EPS15: variants seen among roughly 807,000 people sequenced by gnomAD.
EPS15 encodes epidermal growth factor receptor pathway substrate 15.
In EPS15, 72 loss-of-function variants were observed where a neutral mutation model predicts 113.8. The observed-to-expected ratio is 0.63, with a 90% confidence interval of 0.52 to 0.77. The LOEUF (loss-of-function observed/expected upper bound fraction) is 0.77. Ranked by LOEUF, EPS15 falls within the 30% of genes least tolerant of loss-of-function variation. EPS15 has a pLI of 0.00. For synonymous variants in EPS15, 344 were observed against 363.4 expected, an observed-to-expected ratio of 0.95 and a Z score of 0.61; for missense variants, 1,048 against 1,045.8, an observed-to-expected ratio of 1.00 and a Z score of -0.03.
rs1336168265 is a variant in EPS15, at chr1:51,409,681, C to T, written c.1129G>A (p.Val377Ile). The T allele has an allele frequency of 2.5e-6, 4 of 1,608,638 alleles. No homozygotes were observed. Among genetic ancestry groups the T allele is most frequent in the Non-Finnish European group, 3.4e-6 (4 of 1,177,874 alleles). The change falls in exon 14 of 25, where the codon GTT becomes ATT. Residue 377 changes from valine (V) to isoleucine (I), a missense_variant. Coordinates refer to ENST00000371733, the MANE Select transcript of EPS15 (RefSeq NM_001981.3). ...TGCAGATTAGTATTCTCCCTTTGAA[C>T]TTCATCTTGAAGATCCTAAAATCCA... is the stretch of plus-strand genomic sequence containing the variant. ...TSEVQDLQDE[V>I]QRENTNLQKL...
intron 4 of EPS15, among the ~76,000 whole-genome samples, chr1:51,469,776 C>A (rs1655109644): frequency 1.3e-5 from 2 of 152,090 alleles, no homozygotes; most frequent in Non-Finnish European, 2.9e-5. Context: ...ATTCCACAAC[C>A]TTCTGTGCAA....
At chr1:51,432,449 T>C (rs537515593) in intron 12 of EPS15, among the ~76,000 whole-genome samples, 48 of 152,196 alleles carry the variant, frequency 3.2e-4, no homozygotes, top group Middle Eastern at 3.4e-3. Flanking sequence ...ATTACAGATG[T>C]GAGCCACCAT....
intron 12 of EPS15, among the ~76,000 whole-genome samples, chr1:51,429,643 GTTTT>G (rs57230294): frequency 0.017 from 2,219 of 129,978 alleles, 19 homozygotes; most frequent in African/African-American, 0.029. Context: ...GTTGTTGTTG[GTTTT>G]TTTTTTTTTT....
At chr1:51,366,774 C>T (rs1407037253) in intron 21 of EPS15, among the ~76,000 whole-genome samples, 2 of 152,206 alleles carry the variant, frequency 1.3e-5, no homozygotes, top group Non-Finnish European at 2.9e-5. Context: ...TCAACAAACC[C>T]TGGAGTAACT....
At chr1:51,396,880 CTT>C (rs570495610) in intron 20 of EPS15, among the ~76,000 whole-genome samples, 1 of 145,096 alleles carries the variant, frequency 6.9e-6, no homozygotes. Context: ...CTTAATCTAT[CTT>C]TTTTTTTTTT....
chr1:51,426,833 C>CTATA (rs1331578197), intron 12 of EPS15, among the ~76,000 whole-genome samples: 9 of 140,548 alleles, frequency 6.4e-5, no homozygotes, highest in African/African-American at 2.2e-4. Context: ...CTCTCTCTCT[C>CTATA]TCTCTATATA....
At chr1:51,503,843 T>C (rs1202149835) in intron 1 of EPS15, among the ~76,000 whole-genome samples, 1 of 152,144 alleles carries the variant, frequency 6.6e-6, no homozygotes, top group African/African-American at 2.4e-5. Flanking sequence ...GTGGAAAGAA[T>C]AGCCTTTTCA....
chr1:51,359,998 G>A lies in EPS15; in HGVS notation c.2544+1173C>T, dbSNP rs992720742. ...GCTCACTGCAACCTCCACCACCTCA[G>A]CCCCCCAAGTAGCTGGGACTACAGG... is the stretch of plus-strand genomic sequence containing the variant. On this transcript the variant is annotated intron_variant, in intron 24 of 24. Coordinates refer to ENST00000371733, the MANE Select transcript of EPS15 (RefSeq NM_001981.3). Among the ~76,000 whole-genome samples the A allele has an allele frequency of 2.6e-5, 4 of 151,864 alleles. No homozygotes were observed. The South Asian group carries it at 6.2e-4, about 24-fold the overall frequency.
At chr1:51,373,672 T>C (rs866456258) in intron 21 of EPS15, among the ~76,000 whole-genome samples, 1 of 152,198 alleles carries the variant, frequency 6.6e-6, no homozygotes, top group Non-Finnish European at 1.5e-5. Flanking sequence ...AGTTCTGGCA[T>C]TCTCAGGATT....
chr1:51,402,494 A>G lies in EPS15; in HGVS notation c.1823T>C (p.Leu608Pro), dbSNP rs1271691015. The G allele has an allele frequency of 6.3e-7, 1 of 1,583,522 alleles. No homozygotes were observed. Residue 608 changes from leucine (L) to proline (P), a missense_variant, in exon 18 of 25, where the codon CTG becomes CCG. Transcript: ENST00000371733. ...EDPFNVDSSS[L>P]TGPVADTNLD... Reference sequence around the variant, plus strand: ...GTTTGTATCTGCAACTGGACCTGTCAGCGAACTTGAGTCTACATTAAATGG... The same window carrying G: ...GTTTGTATCTGCAACTGGACCTGTCGGCGAACTTGAGTCTACATTAAATGG...
intron 13 of EPS15, among the ~76,000 whole-genome samples, chr1:51,412,416 T>G (rs550688041): frequency 1.7e-4 from 26 of 152,318 alleles, no homozygotes; most frequent in Admixed American, 1.7e-3. Flanking sequence ...CTGATTCCTT[T>G]GACAAAAATG....
rs1649077779 is a variant in EPS15 at position 51,405,918 on chromosome 1, T to G, written c.1664A>C (p.His555Pro). ...TATTAGACTCACTGGAGATTCCTGG[T>G]GTATGGGCTCAGACTCTAGGTTGCT... is the stretch of plus-strand genomic sequence containing the variant. ...GQSNLESEPI[H>P]QESPARSSPE... The change falls in exon 16 of 25, where the codon CAC becomes CCC. Residue 555 changes from histidine to proline, a missense_variant. Physicochemically the swap from His to Pro is moderately conservative, Grantham distance 77 (BLOSUM62 -2). Transcript: ENST00000371733. The G allele has an allele frequency of 6.2e-7, 1 of 1,613,920 alleles. No homozygotes were observed. The highest frequency in any genetic ancestry group is 1.7e-5 in the Admixed American group (1 of 59,982).
chr1:51,454,523 C>A (rs937580646), intron 8 of EPS15, among the ~76,000 whole-genome samples: 5 of 152,182 alleles, frequency 3.3e-5, no homozygotes, highest in Non-Finnish European at 7.3e-5. Flanking sequence ...ATTACGCCTC[C>A]GTGTTATTCT....
intron 5 of EPS15, among the ~76,000 whole-genome samples, chr1:51,467,060 G>A (rs540523439): frequency 6.6e-6 from 1 of 152,152 alleles, no homozygotes; most frequent in African/African-American, 2.4e-5. Flanking sequence ...TTATAAGAAA[G>A]CTATTCTTAT....
Position 51,508,248 on chromosome 1 carries a change from AAGAGAG to A in EPS15, c.33+10945_33+10950del, listed in dbSNP as rs151142424. ...GAAAAGAAAAGAAAAGAAAGAGAGA[AAGAGAG>A]AGAGAGAGAGAGAGAGAGAAAGAGA... On this transcript the variant is annotated intron_variant, in intron 1 of 24. Coordinates refer to ENST00000371733, the MANE Select transcript of EPS15 (RefSeq NM_001981.3). Among the ~76,000 whole-genome samples, 524 of 103,882 alleles carry A rather than the reference AAGAGAG, an allele frequency of 5.0e-3. 7 individuals are homozygous for A. Among genetic ancestry groups the A allele is most frequent in the Middle Eastern group, 0.026 (6 of 232 alleles). The allele number at this position is 103,882 out of a possible 152,430, so 68.2% of individuals were successfully genotyped here. A position where few individuals can be genotyped will look rare whatever the true frequency, so the allele number is the denominator to read the frequency against.
chr1:51,368,636 C>T (rs1278368496), intron 21 of EPS15, among the ~76,000 whole-genome samples: 4 of 145,786 alleles, frequency 2.7e-5, no homozygotes, highest in East Asian at 2.0e-4. Flanking sequence ...TCGCCTGTGT[C>T]ACCCAGGCTG....
chr1:51,411,982 AT>A (rs1188271527), intron 13 of EPS15, among the ~76,000 whole-genome samples: 1 of 152,250 alleles, frequency 6.6e-6, no homozygotes, highest in Non-Finnish European at 1.5e-5. Context: ...GATAGACTAG[AT>A]AAAGAAAATG....
At chr1:51,506,050 C>T (rs1362090861) in intron 1 of EPS15, among the ~76,000 whole-genome samples, 3 of 152,194 alleles carry the variant, frequency 2.0e-5, no homozygotes, top group African/African-American at 7.2e-5. Flanking sequence ...CCACACCCGG[C>T]TGATTTTTGT....
intron 1 of EPS15, among the ~76,000 whole-genome samples, chr1:51,500,902 T>C (rs1644399556): frequency 6.6e-6 from 1 of 151,272 alleles, no homozygotes; most frequent in South Asian, 2.1e-4. Context: ...GAGAATCACT[T>C]GAACCCGGGA....
Sources: gnomAD v4.1 joint callset for allele counts (sites outside exome capture counted in the v4.1 genomes callset) on GRCh38, gnomAD v4.1.1 for gene constraint, MANE v1.5 for transcripts, NCBI Gene and HGNC (gene_info 2026-07-23, HGNC 2026-07-21) for gene names.